Variants in ATP1A2 observed in about 807,000 individuals in gnomAD.
The protein encoded by ATP1A2 is ATPase Na+/K+ transporting subunit alpha 2.
Under a neutral mutation model 113.1 loss-of-function variants are expected in ATP1A2, and 56 were observed. That is an observed-to-expected ratio of 0.49 (90% CI 0.40 to 0.62). The LOEUF is 0.62. Among genes scored for constraint, ATP1A2 ranks in the 20% least tolerant of loss-of-function variants. The pLI, the probability that ATP1A2 is intolerant of heterozygous loss-of-function variation, is 0.00. For synonymous variants in ATP1A2, 490 were observed against 526.8 expected, an observed-to-expected ratio of 0.93 and a Z score of 0.96; for missense variants, 712 against 1,357.8, an observed-to-expected ratio of 0.52 and a Z score of 7.47.
intron 22 of ATP1A2, chr1:160,140,605 G>A (rs1285670782): frequency 6.0e-6 from 1 of 167,440 alleles, no homozygotes; most frequent in African/African-American, 2.4e-5. Flanking sequence ...TTCTCCTGAA[G>A]ATCAGAAGAG....
At chr1:160,140,759 C>T (rs1410493080) in intron 22 of ATP1A2, 1 of 181,768 alleles carries the variant, frequency 5.5e-6, no homozygotes, top group Non-Finnish European at 1.2e-5. Context: ...GTGCTAAATA[C>T]AAGTCTCCCC....
rs759566498 is a variant in ATP1A2 at position 160,123,326 on chromosome 1, G to T, written c.291G>T (p.Gly97=). Residue 97 remains glycine (G), a synonymous_variant, in exon 4 of 23, where the codon GGG becomes GGT. Transcript: ENST00000361216. ...WVKFCRQLFG[G]FSILLWIGAI... ...AGTTCTGCCGTCAGCTTTTCGGGGG[G>T]TTCTCCATCCTGCTGTGGATTGGGG... is the stretch of plus-strand genomic sequence containing the variant. The T allele has an allele frequency of 6.8e-6, 11 of 1,614,080 alleles. No individual in the cohort carries two copies. Among genetic ancestry groups the T allele is most frequent in the African/African-American group, 5.3e-5 (4 of 74,914 alleles).
intron 11 of ATP1A2, among the ~76,000 whole-genome samples, chr1:160,129,807 G>T (rs1033649681): frequency 2.5e-4 from 38 of 152,158 alleles, no homozygotes; most frequent in African/African-American, 8.7e-4. Flanking sequence ...CTGAGGCCAG[G>T]TGGTGGTGGG....
intron 1 of ATP1A2, among the ~76,000 whole-genome samples, chr1:160,119,456 T>C (rs1214028735): frequency 1.3e-5 from 2 of 152,082 alleles, no homozygotes; most frequent in Non-Finnish European, 2.9e-5. Context: ...ACAAGGACTC[T>C]ATTTCCTGAG....
At chr1:160,134,434 G>T in intron 13 of ATP1A2, 50 bp from the exon 14 acceptor site, 1 of 1,613,604 alleles carries the variant, frequency 6.2e-7, no homozygotes, top group East Asian at 2.2e-5. Flanking sequence ...AACAGGAGGG[G>T]GATAAACCCT....
intron 7 of ATP1A2, among the ~76,000 whole-genome samples, chr1:160,127,017 A>G (rs1343854098): frequency 6.6e-6 from 1 of 152,192 alleles, no homozygotes. Flanking sequence ...TAAGGATTCA[A>G]ACCCAAATTT....
In ATP1A2 at chr1:160,129,069, GAGA is replaced by G. The variant is rs777558964; in HGVS notation, c.1308_1310del (p.Glu436_Asn437delinsAsp). 3.7e-6 allele frequency: 6 copies of G among 1,613,850 alleles called. No homozygotes were observed. The highest frequency in any genetic ancestry group is 5.1e-6 in the Non-Finnish European group (6 of 1,179,868). Reference sequence around the variant, plus strand: ...CCGCGCCGTCTTCAAGGCAGGACAGGAGAACATCTCCGTGTCTAAGGTAGGGGG... The same window carrying G: ...CCGCGCCGTCTTCAAGGCAGGACAGGACATCTCCGTGTCTAAGGTAGGGGG... On this transcript the variant is annotated inframe_deletion, in exon 10 of 23. Transcript: ENST00000361216.
intron 1 of ATP1A2, among the ~76,000 whole-genome samples, chr1:160,117,140 C>T (rs1462752243): frequency 2.6e-5 from 4 of 152,026 alleles, no homozygotes; most frequent in African/African-American, 9.7e-5. Flanking sequence ...GTGAGCCTGC[C>T]CTTAGGAGCT....
At chr1:160,137,105 C>A (rs1651978424) in intron 20 of ATP1A2, 74 bp downstream of exon 20, 1 of 1,610,918 alleles carries the variant, frequency 6.2e-7, no homozygotes, top group Non-Finnish European at 8.5e-7. Flanking sequence ...GGCCAAGCTT[C>A]CAACTCAGCC....
intron 13 of ATP1A2, among the ~76,000 whole-genome samples, chr1:160,131,950 G>A (rs1354916632): frequency 6.6e-6 from 1 of 152,222 alleles, no homozygotes; most frequent in East Asian, 1.9e-4. Context: ...TGACCGGAAA[G>A]CCTGAGCTCC....
chr1:160,139,645 A>G lies in ATP1A2; in HGVS notation c.2846A>G (p.Lys949Arg). ...NSVFQQGMKN[K>R]ILIFGLLEET... ...CTCCTTTCTTTGCCTTTCAGGAACA[A>G]GATCCTGATTTTTGGGCTCCTGGAG... Residue 949 changes from lysine (K) to arginine (R), a missense_variant, in exon 21 of 23, where the codon AAG becomes AGG. Coordinates refer to ENST00000361216, the MANE Select transcript of ATP1A2 (RefSeq NM_000702.4). 4.3e-6 allele frequency: 7 copies of G among 1,614,036 alleles called. No individual in the cohort carries two copies. The highest frequency in any genetic ancestry group is 1.3e-5 in the African/African-American group (1 of 75,034).
rs536368135 is a variant in ATP1A2 at position 160,130,237 on chromosome 1, G to C, written c.1597G>C (p.Asp533His). ...KEIPLDKEMQ[D>H]AFQNAYMELG... The stretch of plus-strand genomic sequence containing the variant: ...GATCCCGCTCGACAAGGAGATGCAA[G>C]ATGCCTTTCAAAATGCCTACATGGA... Residue 533 changes from aspartate (D) to histidine (H), a missense_variant, in exon 12 of 23, where the codon GAT becomes CAT. Asp to His is a moderately conservative substitution (Grantham distance 81). This residue lies in a region of ATP1A2 where 263 missense variants were observed against 380.6 expected (regional missense o/e 0.69). Transcript: ENST00000361216. 6.2e-7 allele frequency: 1 copy of C among 1,614,236 alleles called. No individual in the cohort carries two copies. The highest frequency in any genetic ancestry group is 2.2e-5 in the East Asian group (1 of 44,874).
At position 160,127,765 on chromosome 1, in the gene ATP1A2, T is replaced by A; in HGVS notation, c.962T>A (p.Phe321Tyr). 6.2e-7 allele frequency: 1 copy of A among 1,614,026 alleles called. No individual in the cohort carries two copies. The highest frequency in any genetic ancestry group is 8.5e-7 in the Non-Finnish European group (1 of 1,179,922). The change falls in exon 8 of 23, where the codon TTC becomes TAC. Residue 321 changes from phenylalanine to tyrosine, a missense_variant. By Grantham distance (22) the Phe-to-Tyr change is conservative (BLOSUM62 3). Around this residue, in one of 6 missense-constraint regions of ATP1A2, gnomAD observed 44 missense variants for 153.1 expected, o/e 0.29. Transcript: ENST00000361216. The part of the protein sequence containing the change: ...LGYSWLEAVI[F>Y]LIGIIVANVP... The stretch of plus-strand genomic sequence containing the variant: ...TACAGCTGGCTGGAGGCAGTCATCT[T>A]CCTCATCGGCATCATAGTGGCCAAC...
At position 160,136,366 on chromosome 1, in the gene ATP1A2, G is replaced by T; in HGVS notation, c.2559G>T (p.Gln853His). The change falls in exon 18 of 23, where the codon CAG becomes CAT. Residue 853 changes from glutamine to histidine, a missense_variant. By Grantham distance (24) the Gln-to-His change is conservative (BLOSUM62 0). Around this residue, in one of 6 missense-constraint regions of ATP1A2, gnomAD observed 188 missense variants for 438.9 expected, o/e 0.43. Transcript: ENST00000361216. ...NERLISMAYG[Q>H]IGMIQALGGF... ...GGCTCATCAGCATGGCCTACGGACA[G>T]ATCGGTGCGCCAAGCCCCGGGCCTC... The T allele has an allele frequency of 6.2e-7, 1 of 1,614,064 alleles. No individual in the cohort carries two copies. The highest frequency in any genetic ancestry group is 8.5e-7 in the Non-Finnish European group (1 of 1,180,038).
intron 1 of ATP1A2, among the ~76,000 whole-genome samples, chr1:160,116,527 G>A (rs574820831): frequency 2.8e-5 from 2 of 70,206 alleles, no homozygotes; most frequent in Non-Finnish European, 5.6e-5. Context: ...TTTCCCAGAG[G>A]CTGGTGACAG....
chr1:160,126,091 G>A (rs972558297), intron 7 of ATP1A2, among the ~76,000 whole-genome samples: 2 of 152,080 alleles, frequency 1.3e-5, no homozygotes, highest in African/African-American at 4.8e-5. Flanking sequence ...GTTTCTCTGT[G>A]GTTTTTTTCC....
Position 160,142,395 on chromosome 1 carries a change from G to A in ATP1A2, c.*1073G>A, listed in dbSNP as rs562624068. 2.6e-5 allele frequency: 4 copies of A among 152,370 alleles called. No homozygotes were observed. The highest frequency in any genetic ancestry group is 5.9e-5 in the Non-Finnish European group (4 of 68,072). 9.4% of individuals were successfully genotyped at this position (152,370 alleles called of 1,614,324 possible). ...AAAGGAGTTCGCTGGCCATTGGCTA[G>A]AATCAGGGTGGAGAAGTTCCCTGAA... is the stretch of plus-strand genomic sequence containing the variant. On this transcript the variant is annotated 3_prime_UTR_variant, in exon 23 of 23. Coordinates refer to ENST00000361216, the MANE Select transcript of ATP1A2 (RefSeq NM_000702.4).
intron 1 of ATP1A2, among the ~76,000 whole-genome samples, chr1:160,117,605 C>A (rs1651229800): frequency 1.3e-5 from 2 of 152,088 alleles, no homozygotes; most frequent in Admixed American, 1.3e-4. Flanking sequence ...TTCAACCTAC[C>A]AACGACCCCT....
At position 160,129,102 on chromosome 1, in the gene ATP1A2, G is replaced by T; in HGVS notation, c.1326+13G>T. On this transcript the variant is annotated intron_variant, in intron 10 of 22. Coordinates refer to ENST00000361216, the MANE Select transcript of ATP1A2 (RefSeq NM_000702.4). Reference sequence around the variant, plus strand: ...CTCCGTGTCTAAGGTAGGGGGTCAGGACACACACCAGGTATGTTTTGGGGG... The same window carrying T: ...CTCCGTGTCTAAGGTAGGGGGTCAGTACACACACCAGGTATGTTTTGGGGG... 1 of 1,609,636 alleles carries T rather than the reference G, an allele frequency of 6.2e-7. No homozygotes were observed. The highest frequency in any genetic ancestry group is 1.1e-5 in the South Asian group (1 of 90,774).
Sources: gnomAD v4.1 joint callset for allele counts (sites outside exome capture counted in the v4.1 genomes callset) on GRCh38, gnomAD v4.1.1 for gene constraint, gnomAD v4.1.1 regional missense constraint, MANE v1.5 for transcripts, NCBI Gene and HGNC (gene_info 2026-07-23, HGNC 2026-07-21) for gene names.